SPOCK3: variants seen among roughly 807,000 people sequenced by gnomAD.
SPOCK3 encodes the protein testican-3.
Under a neutral mutation model 56.6 loss-of-function variants are expected in SPOCK3, and 30 were observed. The observed-to-expected ratio is 0.53, with a 90% CI of 0.40 to 0.72. The LOEUF (loss-of-function observed/expected upper bound fraction) is 0.72. Among genes scored for constraint, SPOCK3 ranks in the 30% least tolerant of loss-of-function variants. The pLI, the probability that SPOCK3 is intolerant of heterozygous loss-of-function variation, is 0.00. For synonymous variants in SPOCK3, 196 were observed against 183.3 expected (o/e 1.07, Z -0.56); for missense variants, 527 against 530.0 (o/e 0.99, Z 0.06).
intron 6 of SPOCK3, among the ~76,000 whole-genome samples, chr4:166,865,466 A>G (rs748460204): frequency 9.9e-5 from 15 of 152,184 alleles, no homozygotes; most frequent in East Asian, 1.9e-4. Flanking sequence ...AAGTTTTTCA[A>G]ATATAAAGAG....
chr4:167,234,559 A>C, upstream of SPOCK3: 1 of 236,246 alleles, frequency 4.2e-6, no homozygotes, highest in Admixed American at 5.2e-5. Flanking sequence ...CGAGCCGTCC[A>C]CTCAGCTCCC....
intron 2 of SPOCK3, among the ~76,000 whole-genome samples, chr4:167,148,013 A>C (rs2150410907): frequency 6.6e-6 from 1 of 152,224 alleles, no homozygotes; most frequent in East Asian, 1.9e-4. Flanking sequence ...TAAAACAATA[A>C]ATTGAGATCC....
At chr4:166,811,970 A>G (rs1332076331) in intron 6 of SPOCK3, among the ~76,000 whole-genome samples, 1 of 151,878 alleles carries the variant, frequency 6.6e-6, no homozygotes, top group Non-Finnish European at 1.5e-5. Flanking sequence ...ATAGTAAGCC[A>G]TAGTCAACTC....
At chr4:166,782,526 T>C (rs1193779548) in intron 7 of SPOCK3, among the ~76,000 whole-genome samples, 2 of 152,156 alleles carry the variant, frequency 1.3e-5, no homozygotes, top group African/African-American at 4.8e-5. Flanking sequence ...ATGTTCCTTT[T>C]ATGTGCAGAT....
chr4:166,864,480 C>T (rs1400606075), intron 6 of SPOCK3, among the ~76,000 whole-genome samples: 3 of 151,824 alleles, frequency 2.0e-5, no homozygotes, highest in African/African-American at 7.3e-5. Context: ...TTCAAAACAT[C>T]CATGAATCTA....
chr4:166,950,499 C>A (rs901770500), intron 4 of SPOCK3, among the ~76,000 whole-genome samples: 2 of 151,656 alleles, frequency 1.3e-5, no homozygotes, highest in African/African-American at 4.9e-5. Flanking sequence ...GACTTTAACA[C>A]CCCGCTGTCA....
chr4:167,077,269 T>TAC lies in SPOCK3; in HGVS notation c.190-14734_190-14733dup, dbSNP rs553960996. 8.3e-3 allele frequency among the ~76,000 whole-genome samples: 1,239 copies of TAC among 149,706 alleles called. 6 individuals carry two copies. Among genetic ancestry groups the TAC allele is most frequent in the African/African-American group, 0.018 (722 of 41,016 alleles). On this transcript the variant is annotated intron_variant, in intron 2 of 10. Coordinates refer to ENST00000357545, the MANE Select transcript of SPOCK3 (RefSeq NM_001040159.2). The stretch of plus-strand genomic sequence containing the variant: ...GTTTTCAAAGGATAATCATTCTACA[T>TAC]ACACACACACACACACACATCAAAA...
chr4:166,949,927 T>C (rs1363610272), intron 4 of SPOCK3, among the ~76,000 whole-genome samples: 1 of 151,062 alleles, frequency 6.6e-6, no homozygotes, highest in Non-Finnish European at 1.5e-5. Context: ...AAAGAGCTCC[T>C]GAAGGAAGCA....
At chr4:166,774,241 C>T (rs932785967) in intron 7 of SPOCK3, among the ~76,000 whole-genome samples, 3 of 152,062 alleles carry the variant, frequency 2.0e-5, no homozygotes, top group African/African-American at 7.2e-5. Context: ...CCAGTTTTTA[C>T]GTGGATGAAT....
chr4:167,040,930 G>T (rs188711884), intron 3 of SPOCK3, among the ~76,000 whole-genome samples: 4 of 152,146 alleles, frequency 2.6e-5, no homozygotes, highest in African/African-American at 9.7e-5. Context: ...ACAGTGAGTG[G>T]AAAGAATTTA....
intron 6 of SPOCK3, among the ~76,000 whole-genome samples, chr4:166,851,519 C>T (rs1337519087): frequency 1.3e-5 from 2 of 152,112 alleles, no homozygotes; most frequent in Non-Finnish European, 2.9e-5. Flanking sequence ...CAAATTACTC[C>T]GAGCTACAGG....
chr4:166,979,228 A>G (rs1389327677), intron 4 of SPOCK3, among the ~76,000 whole-genome samples: 2 of 152,090 alleles, frequency 1.3e-5, no homozygotes, highest in African/African-American at 4.8e-5. Flanking sequence ...GTAAGCCCCT[A>G]TACACACATC....
chr4:166,882,551 G>C (rs1733788461), intron 6 of SPOCK3, among the ~76,000 whole-genome samples: 1 of 152,126 alleles, frequency 6.6e-6, no homozygotes, highest in Non-Finnish European at 1.5e-5. Flanking sequence ...GTATTGGAAA[G>C]GAGTTAAAGA....
chr4:166,869,442 G>A (rs1732218187), intron 6 of SPOCK3, among the ~76,000 whole-genome samples: 1 of 152,064 alleles, frequency 6.6e-6, no homozygotes, highest in African/African-American at 2.4e-5. Context: ...GAAAATCTGG[G>A]TGAGAAGATA....
At chr4:166,812,748 G>C (rs942431065) in intron 6 of SPOCK3, among the ~76,000 whole-genome samples, 16 of 151,842 alleles carry the variant, frequency 1.1e-4, no homozygotes, top group African/African-American at 3.4e-4. Flanking sequence ...TCTTCACTGG[G>C]ACGAATTAAA....
chr4:166,764,023 T>C (rs1402365523), intron 7 of SPOCK3, among the ~76,000 whole-genome samples: 1 of 152,140 alleles, frequency 6.6e-6, no homozygotes. Flanking sequence ...GAAGTTATAG[T>C]ATTGGGGCCT....
intron 5 of SPOCK3, among the ~76,000 whole-genome samples, chr4:166,901,847 C>T (rs1736086013): frequency 6.6e-6 from 1 of 152,112 alleles, no homozygotes; most frequent in South Asian, 2.1e-4. Flanking sequence ...TTATCATCCT[C>T]CTGCTTAGAG....
chr4:166,856,755 C>A (rs770841545), intron 6 of SPOCK3, among the ~76,000 whole-genome samples: 20 of 150,966 alleles, frequency 1.3e-4, no homozygotes, highest in Non-Finnish European at 2.7e-4. Flanking sequence ...GCCTAGGTGA[C>A]AGAGCAAGGC....
chr4:167,224,170 T>G (rs1266069252), intron 2 of SPOCK3, among the ~76,000 whole-genome samples: 2 of 152,150 alleles, frequency 1.3e-5, no homozygotes, highest in Non-Finnish European at 2.9e-5. Flanking sequence ...CTAACACATA[T>G]TTTTTCATTT....
Sources: allele counts gnomAD v4.1 joint callset (sites outside exome capture counted in the v4.1 genomes callset), GRCh38; gene constraint gnomAD v4.1.1; transcripts MANE v1.5; gene names NCBI Gene and HGNC (gene_info 2026-07-23, HGNC 2026-07-21).